The following PCM1 variants were observed in gnomAD, a reference collection of about 807,000 sequenced individuals.
PCM1 encodes the protein pericentriolar material 1.
In PCM1, 157 loss-of-function variants were observed where a neutral mutation model predicts 241.9. The ratio of observed to expected loss-of-function variants is 0.65; its 90% CI spans 0.57 to 0.74. The LOEUF is 0.74. PCM1 is among the 30% of genes least tolerant of loss of function. The pLI, the probability that PCM1 is intolerant of heterozygous loss-of-function variation, is 0.00. For synonymous variants in PCM1, 1,085 were observed against 784.9 expected (o/e 1.38, Z -6.39); for missense variants, 3,478 against 2,360.1 (o/e 1.47, Z -9.81).
At chr8:17,973,348 C>G (rs930854575) in intron 23 of PCM1, among the ~76,000 whole-genome samples, 1 of 152,138 alleles carries the variant, frequency 6.6e-6, no homozygotes, top group African/African-American at 2.4e-5. Context: ...AGTGTTACAG[C>G]TGAAGGATAT....
Position 17,924,098 on chromosome 8 carries a change from C to G in PCM1, c.-90-615C>G, listed in dbSNP as rs533926788. Among the ~76,000 whole-genome samples, 129 of 152,156 alleles carry G rather than the reference C, an allele frequency of 8.5e-4. 1 individual carries two copies. The highest frequency in any genetic ancestry group is 3.0e-3 in the African/African-American group (123 of 41,500). On this transcript the variant is annotated intron_variant, in intron 1 of 38. Transcript: ENST00000325083. ...GAAGGAGCGGGCTTTCTGGGCGCCCCTACCACCCCCGCCCCATAACCGCTT... is the reference window on the plus strand; with the variant it reads ...GAAGGAGCGGGCTTTCTGGGCGCCCGTACCACCCCCGCCCCATAACCGCTT...
chr8:18,015,665 T>C (rs1474049961), intron 36 of PCM1: 1 of 152,178 alleles, frequency 6.6e-6, no homozygotes. Context: ...AATTGCTTCT[T>C]ACTCAAATAA....
rs567856813 is a variant in PCM1 at position 17,960,295 on chromosome 8, T to C, written c.2193-20T>C. 1.9e-6 allele frequency: 3 copies of C among 1,592,982 alleles called. No individual in the cohort carries two copies. Among genetic ancestry groups the C allele is most frequent in the African/African-American group, 1.4e-5 (1 of 73,328 alleles). ...CACATTTTATTGGAGTCCATAAATA[T>C]AATGTCAATTTAATTGTAGAGAGAA... On this transcript the variant is annotated intron_variant, in intron 14 of 38. Coordinates refer to ENST00000325083, the MANE Select transcript of PCM1 (RefSeq NM_006197.4).
intron 13 of PCM1, among the ~76,000 whole-genome samples, chr8:17,958,661 A>G (rs1306493281): frequency 6.6e-6 from 1 of 152,202 alleles, no homozygotes; most frequent in Non-Finnish European, 1.5e-5. Context: ...AATGCTATGT[A>G]CTTTGAATTA....
chr8:17,930,348 C>CTGCCT (rs901443256), intron 2 of PCM1, among the ~76,000 whole-genome samples: 1 of 151,768 alleles, frequency 6.6e-6, no homozygotes, highest in Admixed American at 6.5e-5. Context: ...CGTGATCCGC[C>CTGCCT]TGCCTTGGCC....
intron 30 of PCM1, among the ~76,000 whole-genome samples, chr8:18,006,738 AT>A (rs1177579031): frequency 6.6e-6 from 1 of 152,212 alleles, no homozygotes; most frequent in Non-Finnish European, 1.5e-5. Context: ...GGCTAAAGTA[AT>A]TTGACTAATC....
Position 17,962,055 on chromosome 8 carries a change from A to C in PCM1, c.2344A>C (p.Asn782His). Residue 782 changes from asparagine (N) to histidine (H), a missense_variant, in exon 16 of 39, where the codon AAC (asparagine) becomes CAC (histidine). Asn to His is a moderately conservative substitution (Grantham distance 68). Transcript: ENST00000325083. The stretch of plus-strand genomic sequence containing the variant: ...TTAGCTGTCAGCTGCTAGTGTGGGT[A>C]ACTGTCCCACCAAAAAATATATGCC... ...DLQLSAASVG[N>H]CPTKKYMPAV... 1.2e-6 allele frequency: 2 copies of C among 1,611,418 alleles called. No individual in the cohort carries two copies. Among genetic ancestry groups the C allele is most frequent in the Non-Finnish European group, 1.7e-6 (2 of 1,178,422 alleles).
At chr8:17,962,994 T>C (rs2073195131) in intron 16 of PCM1, 107 bp from the exon 17 acceptor site, 1 of 703,138 alleles carries the variant, frequency 1.4e-6, no homozygotes, top group South Asian at 2.0e-5. Context: ...AAGGAGAGAA[T>C]GAGAATAGAA....
rs1159467810 is a variant in PCM1, at chr8:17,953,121, A to C, written c.1223A>C (p.Gln408Pro). 14 of 1,596,162 alleles carry C rather than the reference A, an allele frequency of 8.8e-6. No individual in the cohort carries two copies. In the East Asian group the frequency reaches 1.8e-4, roughly 21 times the overall value. ...SKMRVLQEKK[Q>P]KMDKLLGELH... ...ATGAGAGTGCTACAGGAAAAGAAAC[A>C]AAAAATGGACAAATTGCTTGGAGAA... Residue 408 changes from glutamine (Q) to proline (P), a missense_variant, in exon 9 of 39, where the codon CAA becomes CCA. Gln to Pro is a moderately conservative substitution (Grantham distance 76, BLOSUM62 -1). Coordinates refer to ENST00000325083, the MANE Select transcript of PCM1 (RefSeq NM_006197.4).
At position 17,982,864 on chromosome 8, in the gene PCM1, T is replaced by C. The variant is rs141938384; in HGVS notation, c.4108+2109T>C. On this transcript the variant is annotated intron_variant, in intron 24 of 38. Transcript: ENST00000325083. ...TATAGCATGTAAGGCATGTTACTTTTTGTAACTGTACTCATAACATATGAT... is the reference window on the plus strand; with the variant it reads ...TATAGCATGTAAGGCATGTTACTTTCTGTAACTGTACTCATAACATATGAT... 1.4e-3 allele frequency among the ~76,000 whole-genome samples: 216 copies of C among 152,220 alleles called. 1 individual carries two copies. Among genetic ancestry groups the C allele is most frequent in the African/African-American group, 5.0e-3 (207 of 41,540 alleles).
rs2094394979 is a variant in PCM1 at position 18,029,155 on chromosome 8, T to TC, written c.*1494dup. On this transcript the variant is annotated 3_prime_UTR_variant, in exon 39 of 39. Transcript: ENST00000325083. ...CCTGGCAACAGAGCGAGACTCTGTC[T>TC]CAAAAAAAAAAAAAAAAAAAAAAAA... 1 of 24,650 alleles carries TC rather than the reference T, an allele frequency of 4.1e-5. No homozygotes were observed. The highest frequency in any genetic ancestry group is 8.5e-5 in the Non-Finnish European group (1 of 11,832). 1.5% of individuals were successfully genotyped at this position (24,650 alleles called of 1,614,324 possible).
chr8:17,923,431 A>T (rs763028307), intron 1 of PCM1, among the ~76,000 whole-genome samples: 1 of 151,176 alleles, frequency 6.6e-6, no homozygotes, highest in Non-Finnish European at 1.5e-5. Flanking sequence ...TGATTGCAGG[A>T]CTCCCTTCTT....
In PCM1 at chr8:17,957,625, G is replaced by T. The variant is rs1044337871; in HGVS notation, c.1890G>T (p.Glu630Asp). ...AGGAGGAGGAGGAAGAAGCAGAAGA[G>T]GAGGGAGTCAGTGGAGCTTCATTAT... ...DDEEEEEEAE[E>D]EGVSGASLSS... The change falls in exon 13 of 39, where the codon GAG becomes GAT. Residue 630 changes from glutamate (E) to aspartate (D), a missense_variant. Physicochemically the swap from Glu to Asp is conservative, Grantham distance 45. Transcript: ENST00000325083. The T allele has an allele frequency of 3.2e-6, 5 of 1,583,708 alleles. No individual in the cohort carries two copies. The highest frequency in any genetic ancestry group is 1.7e-4 in the Middle Eastern group (1 of 6,022).
chr8:18,019,605 C>T (rs780223385), intron 36 of PCM1, among the ~76,000 whole-genome samples: 3 of 152,154 alleles, frequency 2.0e-5, no homozygotes, highest in South Asian at 2.1e-4. Context: ...ATAAGGAGCA[C>T]GCAACCTAGA....
At chr8:17,987,658 A>C (rs1203638352) in intron 26 of PCM1, among the ~76,000 whole-genome samples, 1 of 151,868 alleles carries the variant, frequency 6.6e-6, no homozygotes, top group Non-Finnish European at 1.5e-5. Flanking sequence ...TAAATTCAGC[A>C]TTAAGGTCAA....
At chr8:18,000,279 C>T (rs1161840081) in intron 29 of PCM1, among the ~76,000 whole-genome samples, 1 of 152,052 alleles carries the variant, frequency 6.6e-6, no homozygotes, top group Non-Finnish European at 1.5e-5. Flanking sequence ...GAGGCAAGGG[C>T]TAATTGTATA....
intron 6 of PCM1, among the ~76,000 whole-genome samples, chr8:17,946,058 A>G (rs531060206): frequency 6.6e-6 from 1 of 152,120 alleles, no homozygotes; most frequent in Non-Finnish European, 1.5e-5. Flanking sequence ...TCCAGGTTGT[A>G]TTTAAATTTG....
chr8:17,985,415 A>G lies in PCM1; in HGVS notation c.4109-32A>G, dbSNP rs111365155. The G allele has an allele frequency of 4.2e-3, 6,310 of 1,491,532 alleles. 207 individuals carry two copies. In the African/African-American group the frequency reaches 0.075, roughly 18 times the overall value. 92.4% of individuals were successfully genotyped at this position (1,491,532 alleles called of 1,614,324 possible). On this transcript the variant is annotated intron_variant, in intron 24 of 38. Coordinates refer to ENST00000325083, the MANE Select transcript of PCM1 (RefSeq NM_006197.4). ...AAGTTGTCATGAAGGTACTTCATCA[A>G]TATTAACTTTCTGGTCTTTTATGTA...
chr8:17,955,452 T>G lies in PCM1; in HGVS notation c.1289-18T>G, dbSNP rs754594314. The G allele has an allele frequency of 6.5e-7, 1 of 1,536,514 alleles. No individual in the cohort carries two copies. Among genetic ancestry groups the G allele is most frequent in the African/African-American group, 1.4e-5 (1 of 71,938 alleles). ...ACTGGTGATTAAAAAAAATTTTTTG[T>G]TGTTGTGCCTTCTTCAGCCTCTCCA... On this transcript the variant is annotated intron_variant, in intron 9 of 38. Coordinates refer to ENST00000325083, the MANE Select transcript of PCM1 (RefSeq NM_006197.4).
Sources: allele counts gnomAD v4.1 joint callset (sites outside exome capture counted in the v4.1 genomes callset), GRCh38; gene constraint gnomAD v4.1.1; transcripts MANE v1.5; gene names NCBI Gene and HGNC (gene_info 2026-07-23, HGNC 2026-07-21).